Variants in MSS51 observed in about 807,000 individuals in gnomAD.
MSS51 encodes MSS51 mitochondrial translational activator, also known as putative protein MSS51 homolog, mitochondrial.
MSS51 carries 32 observed loss-of-function variants against 40.2 expected under a neutral mutation model. That is an observed-to-expected ratio of 0.80 (90% CI 0.60 to 1.07). MSS51 has a LOEUF of 1.07. Ranked by LOEUF, MSS51 falls within the 50% of genes least tolerant of loss-of-function variation. The pLI is 0.00. For missense variants in MSS51, 518 were observed against 568.9 expected (o/e 0.91, Z 0.91); for synonymous variants, 178 against 214.2 (o/e 0.83, Z 1.48).
intron 5 of MSS51, 22 bp from the exon 6 acceptor site, chr10:73,425,213 G>C: frequency 6.6e-7 from 1 of 1,516,182 alleles, no homozygotes; most frequent in Non-Finnish European, 9.0e-7. Context: ...AAATGAAAAT[G>C]GGAATAGGGA....
At position 73,424,296 on chromosome 10, in the gene MSS51, G is replaced by A. The variant is rs964909849; in HGVS notation, c.*257C>T. 5.1e-6 allele frequency: 2 copies of A among 395,152 alleles called. No individual in the cohort carries two copies. The highest frequency in any genetic ancestry group is 4.1e-5 in the African/African-American group (2 of 48,954). The allele number at this position is 395,152 out of a possible 1,614,324, so 24.5% of individuals were successfully genotyped here. On this transcript the variant is annotated 3_prime_UTR_variant, in exon 7 of 7. Transcript: ENST00000299432. Reference sequence around the variant, plus strand: ...GGAGGCTGAGGCAGGAGAACCACTTGAACCCAGGAGGCGGAGGCTGCAGTG... The same window carrying A: ...GGAGGCTGAGGCAGGAGAACCACTTAAACCCAGGAGGCGGAGGCTGCAGTG...
chr10:73,428,230 G>C lies in MSS51; in HGVS notation c.55C>G (p.Pro19Ala). The part of the protein sequence containing the change: ...RHKKPPSSVA[P>A]IIMAPTTIVT... ...ATTGTGGTTGGGGCCATGATGATGGGAGCCACTGATGAGGGAGGTTTCTTG... is the reference window on the plus strand; with the variant it reads ...ATTGTGGTTGGGGCCATGATGATGGCAGCCACTGATGAGGGAGGTTTCTTG... Residue 19 changes from proline (P) to alanine (A), a missense_variant, in exon 2 of 7, where the codon CCC becomes GCC. Coordinates refer to ENST00000299432, the MANE Select transcript of MSS51 (RefSeq NM_001024593.2). 1 of 1,614,148 alleles carries C rather than the reference G, an allele frequency of 6.2e-7. No individual in the cohort carries two copies. The highest frequency in any genetic ancestry group is 1.1e-5 in the South Asian group (1 of 91,070).
chr10:73,426,553 A>C, intron 4 of MSS51, 54 bp downstream of exon 4: 2 of 1,610,000 alleles, frequency 1.2e-6, no homozygotes, highest in Non-Finnish European at 1.7e-6. Flanking sequence ...ATCTTCCTTT[A>C]AATGCAATCA....
In MSS51 at chr10:73,425,989, AC is replaced by A. The variant is rs1462564418; in HGVS notation, c.890del (p.Arg297LeufsTer7). 41 of 1,614,104 alleles carry A rather than the reference AC, an allele frequency of 2.5e-5. No homozygotes were observed. Among genetic ancestry groups the A allele is most frequent in the Non-Finnish European group, 3.5e-5 (41 of 1,180,054 alleles). On this transcript the variant is annotated frameshift_variant, in exon 5 of 7. Coordinates refer to ENST00000299432, the MANE Select transcript of MSS51 (RefSeq NM_001024593.2). LOFTEE classifies it high-confidence loss of function. ...CTACATCTACACCCACCATGACCAC[AC>A]GGAGTCCAAGGTGCCCAGGAAACAT... is the stretch of plus-strand genomic sequence containing the variant. Reference protein sequence around the residue: ...GYMFPGHLGLRVVMVGVDVAT... With the variant: ...GYMFPGHLGLXVVMVGVDVAT...
chr10:73,425,134 C>G lies in MSS51; in HGVS notation c.1127G>C (p.Arg376Pro), dbSNP rs192959143. 6.2e-6 allele frequency: 10 copies of G among 1,610,780 alleles called. 1 individual carries two copies. In the South Asian group the frequency reaches 7.7e-5, roughly 12 times the overall value. Residue 376 changes from arginine to proline, a missense_variant, in exon 6 of 7, where the codon CGT (arginine) becomes CCT (proline). Transcript: ENST00000299432. ...EAWLPTLLLL[R>P]DYKIPTLITV... ...AATCAATGTAGGAATCTTATAGTCA[C>G]GAAGTAGCAGCAGGGTGGGCAGCCA...
At chr10:73,425,661 C>CA (rs1045221109) in intron 5 of MSS51, 150 bp downstream of exon 5, 44,067 of 389,080 alleles carry the variant, frequency 0.11, no homozygotes, top group East Asian at 0.14. Context: ...GACTCCGTCT[C>CA]AAAAAAAAAA....
rs201313240 is a variant in MSS51 at position 73,425,220 on chromosome 10, G to A, written c.1070-29C>T. On this transcript the variant is annotated intron_variant, in intron 5 of 6. Coordinates refer to ENST00000299432, the MANE Select transcript of MSS51 (RefSeq NM_001024593.2). Reference sequence around the variant, plus strand: ...TGGAACAAAAATGAAAATGGGAATAGGGAAAGACTAAAGCAGACCCTAAGA... The same window carrying A: ...TGGAACAAAAATGAAAATGGGAATAAGGAAAGACTAAAGCAGACCCTAAGA... 4.3e-5 allele frequency: 64 copies of A among 1,475,328 alleles called. No individual in the cohort carries two copies. The African/African-American group carries it at 8.2e-4, about 19-fold the overall frequency. 91.4% of individuals were successfully genotyped at this position (1,475,328 alleles called of 1,614,324 possible). A position where few individuals can be genotyped will look rare whatever the true frequency, so the allele number is the denominator to read the frequency against.
At chr10:73,425,052 G>A (rs920613901) in intron 6 of MSS51, 46 bp downstream of exon 6, 2 of 1,424,642 alleles carry the variant, frequency 1.4e-6, no homozygotes, top group Non-Finnish European at 2.0e-6. Context: ...TATATAAAGA[G>A]AGATGTAAAG....
Position 73,426,658 on chromosome 10 carries a change from C to A in MSS51, c.451G>T (p.Glu151Ter), listed in dbSNP as rs1373427825. ...CGGTCCACAGCCACAAGACGAAGCT[C>A]TTGACAAACCCTCCTGTGTGCGGGC... ...DWPAHRRVCQ[E>*]LRLVAVDRLM... Residue 151 changes from glutamate (E) to a stop codon, truncating the protein, a stop_gained, in exon 4 of 7, where the codon GAG becomes TAG. Transcript: ENST00000299432. LOFTEE classifies it high-confidence loss of function. 6.2e-7 allele frequency: 1 copy of A among 1,614,210 alleles called. No homozygotes were observed.
chr10:73,426,767 A>G, intron 3 of MSS51, 36 bp from the exon 4 acceptor site: 1 of 1,609,086 alleles, frequency 6.2e-7, no homozygotes, highest in Non-Finnish European at 8.5e-7. Flanking sequence ...CTTATACTAT[A>G]AATATGATTG....
intron 5 of MSS51, 103 bp downstream of exon 5, chr10:73,425,706 TTG>T: frequency 3.2e-6 from 3 of 930,830 alleles, no homozygotes; most frequent in Non-Finnish European, 3.2e-6. Context: ...TGTCATCATA[TTG>T]TGTTTAATGA....
intron 5 of MSS51, 95 bp downstream of exon 5, chr10:73,425,716 T>G: frequency 4.6e-6 from 5 of 1,094,392 alleles, no homozygotes; most frequent in Non-Finnish European, 6.6e-6. Flanking sequence ...TTGTGTTTAA[T>G]GAGACCAAAT....
intron 5 of MSS51, among the ~76,000 whole-genome samples, 154 bp downstream of exon 5, chr10:73,425,657 G>A (rs538465330): frequency 5.1e-5 from 7 of 137,240 alleles, no homozygotes; most frequent in Non-Finnish European, 9.2e-5. Context: ...GCGAGACTCC[G>A]TCTCAAAAAA....
chr10:73,426,505 C>A (rs2055989409), intron 4 of MSS51, 102 bp downstream of exon 4: 2 of 1,589,712 alleles, frequency 1.3e-6, no homozygotes, highest in Non-Finnish European at 1.7e-6. Flanking sequence ...CCATCCTTTG[C>A]CCCACTTCCT....
intron 1 of MSS51, among the ~76,000 whole-genome samples, chr10:73,432,846 T>C (rs998973346): frequency 5.9e-5 from 9 of 152,088 alleles, no homozygotes; most frequent in African/African-American, 2.2e-4. Context: ...GTTCTAAATC[T>C]CCTGTAAAGA....
chr10:73,425,005 G>C, intron 6 of MSS51, 93 bp downstream of exon 6: 1 of 982,356 alleles, frequency 1.0e-6, no homozygotes, highest in Non-Finnish European at 1.6e-6. Context: ...CTCACCAGAA[G>C]GTAGATGAGC....
chr10:73,428,640 C>CAG (rs1376047137), intron 1 of MSS51, among the ~76,000 whole-genome samples: 1 of 151,904 alleles, frequency 6.6e-6, no homozygotes, highest in East Asian at 2.0e-4. Flanking sequence ...CAGGCGCCAC[C>CAG]AGGCCCGGCT....
chr10:73,425,214 G>C (rs1270795710), intron 5 of MSS51, 23 bp from the exon 6 acceptor site: 21 of 1,517,708 alleles, frequency 1.4e-5, no homozygotes, highest in Non-Finnish European at 1.8e-5. Flanking sequence ...AATGAAAATG[G>C]GAATAGGGAA....
intron 6 of MSS51, 48 bp downstream of exon 6, chr10:73,425,050 G>C (rs973665834): frequency 3.5e-6 from 5 of 1,420,532 alleles, no homozygotes; most frequent in African/African-American, 1.4e-5. Context: ...TCTATATAAA[G>C]AGAGATGTAA....
Sources: allele counts gnomAD v4.1 joint callset (sites outside exome capture counted in the v4.1 genomes callset), GRCh38; gene constraint gnomAD v4.1.1; transcripts MANE v1.5; gene names NCBI Gene and HGNC (gene_info 2026-07-23, HGNC 2026-07-21).